Variants in SND1 observed in about 807,000 individuals in gnomAD.
The protein encoded by SND1 is staphylococcal nuclease domain-containing protein 1.
A neutral mutation model predicts 121.7 loss-of-function variants in SND1; 38 were observed. The ratio of observed to expected loss-of-function variants is 0.31; its 90% CI spans 0.24 to 0.41. The LOEUF is 0.41. Ranked by LOEUF, SND1 falls within the 10% of genes least tolerant of loss-of-function variation. The pLI is 1.00. For synonymous variants in SND1, 401 were observed against 447.4 expected (o/e 0.90, Z 1.31); for missense variants, 868 against 1,184.6 (o/e 0.73, Z 3.92).
At chr7:127,986,886 T>G (rs1287559183) in intron 15 of SND1, among the ~76,000 whole-genome samples, 1 of 152,222 alleles carries the variant, frequency 6.6e-6, no homozygotes, top group Non-Finnish European at 1.5e-5. Context: ...CAGGAATTTT[T>G]GGGATTTTTT....
At chr7:127,783,998 C>T (rs1321813837) in intron 10 of SND1, among the ~76,000 whole-genome samples, 1 of 152,120 alleles carries the variant, frequency 6.6e-6, no homozygotes, top group Non-Finnish European at 1.5e-5. Context: ...AATGGATATT[C>T]CAAGGTATAA....
chr7:127,724,139 A>C (rs1796543273), intron 10 of SND1, among the ~76,000 whole-genome samples: 1 of 152,188 alleles, frequency 6.6e-6, no homozygotes, highest in African/African-American at 2.4e-5. Flanking sequence ...GCAGCAGGGA[A>C]TAAATAGATG....
intron 10 of SND1, among the ~76,000 whole-genome samples, chr7:127,771,373 A>G (rs1797510221): frequency 1.3e-5 from 2 of 152,222 alleles, no homozygotes; most frequent in African/African-American, 2.4e-5. Flanking sequence ...TGAGCTAGTC[A>G]GGTGCCTTAT....
intron 11 of SND1, among the ~76,000 whole-genome samples, chr7:127,816,456 G>T (rs1413702087): frequency 6.6e-6 from 1 of 152,070 alleles, no homozygotes; most frequent in Non-Finnish European, 1.5e-5. Flanking sequence ...TTTTTCTGCA[G>T]CTTTGCCTTC....
intron 15 of SND1, among the ~76,000 whole-genome samples, chr7:127,942,985 A>G (rs764067669): frequency 4.4e-4 from 67 of 152,172 alleles, no homozygotes; most frequent in Non-Finnish European, 9.6e-4. Context: ...ACGTGGATCC[A>G]TTTCATGCTA....
chr7:127,825,903 C>G (rs1344969382), intron 11 of SND1, among the ~76,000 whole-genome samples: 1 of 152,006 alleles, frequency 6.6e-6, no homozygotes, highest in Non-Finnish European at 1.5e-5. Flanking sequence ...TTAAAATGGA[C>G]AATGGAGGCC....
chr7:127,678,167 C>T (rs1795646970), intron 1 of SND1, among the ~76,000 whole-genome samples: 1 of 152,128 alleles, frequency 6.6e-6, no homozygotes, highest in Non-Finnish European at 1.5e-5. Context: ...GTATGTGTGG[C>T]ATAGTGGAAT....
chr7:127,727,377 G>A (rs974129094), intron 10 of SND1, among the ~76,000 whole-genome samples: 3 of 152,284 alleles, frequency 2.0e-5, no homozygotes, highest in East Asian at 1.9e-4. Context: ...AAGGGGCTCC[G>A]GGGTGCTTTG....
At chr7:128,083,271 G>C (rs1212160325) in intron 18 of SND1, among the ~76,000 whole-genome samples, 1 of 152,248 alleles carries the variant, frequency 6.6e-6, no homozygotes, top group Admixed American at 6.5e-5. Flanking sequence ...ACAAAGTCCT[G>C]CTTCTGTTGC....
At chr7:127,804,053 T>C (rs1798185510) in intron 10 of SND1, among the ~76,000 whole-genome samples, 1 of 152,248 alleles carries the variant, frequency 6.6e-6, no homozygotes, top group Non-Finnish European at 1.5e-5. Context: ...GAATCTAAAC[T>C]AGACAGTTCT....
In SND1 at chr7:128,035,254, GCTCT is replaced by G. The variant is rs1394433677; in HGVS notation, c.1780-39245_1780-39242del. 1.4e-4 allele frequency among the ~76,000 whole-genome samples: 21 copies of G among 152,270 alleles called. 1 individual carries two copies. The highest frequency in any genetic ancestry group is 4.1e-4 in the South Asian group (2 of 4,826). On this transcript the variant is annotated intron_variant, in intron 16 of 23. Coordinates refer to ENST00000354725, the MANE Select transcript of SND1 (RefSeq NM_014390.4). ...GAAATGGATTAGAAAGTTTCTTACC[GCTCT>G]CTTAGTCCATGATTCCTGTCCCATC...
chr7:127,942,331 A>C (rs1213221653), intron 15 of SND1, among the ~76,000 whole-genome samples: 1 of 152,198 alleles, frequency 6.6e-6, no homozygotes, highest in Non-Finnish European at 1.5e-5. Flanking sequence ...ACCAAGTTAG[A>C]GGTGGGTCTT....
intron 10 of SND1, among the ~76,000 whole-genome samples, chr7:127,757,846 C>T (rs972723307): frequency 6.6e-6 from 1 of 152,162 alleles, no homozygotes; most frequent in Non-Finnish European, 1.5e-5. Context: ...CTCTTAATGG[C>T]TGACAGTGTT....
chr7:127,835,053 A>T (rs1046409039), intron 11 of SND1, among the ~76,000 whole-genome samples: 2 of 152,168 alleles, frequency 1.3e-5, no homozygotes, highest in Non-Finnish European at 2.9e-5. Flanking sequence ...ACTTTTATTG[A>T]TTAGATTTCC....
At chr7:127,845,540 A>G (rs1799043132) in intron 12 of SND1, among the ~76,000 whole-genome samples, 1 of 152,240 alleles carries the variant, frequency 6.6e-6, no homozygotes, top group African/African-American at 2.4e-5. Flanking sequence ...TATTTTGGTC[A>G]TTATTCTATC....
chr7:127,912,972 A>G (rs3808084), intron 14 of SND1, among the ~76,000 whole-genome samples: 133,093 of 152,250 alleles, frequency 0.87, 58,462 homozygotes, highest in African/African-American at 0.94. Flanking sequence ...TTAACTTTTT[A>G]TTCAGAACAG....
chr7:127,954,153 T>C (rs534833645), intron 15 of SND1, among the ~76,000 whole-genome samples: 1 of 152,296 alleles, frequency 6.6e-6, no homozygotes, highest in East Asian at 1.9e-4. Flanking sequence ...GAACCTGCTT[T>C]CCTTCCTTCC....
intron 16 of SND1, among the ~76,000 whole-genome samples, chr7:128,038,636 T>C (rs1459413642): frequency 6.6e-6 from 1 of 152,136 alleles, no homozygotes; most frequent in Non-Finnish European, 1.5e-5. Context: ...CAATTCTTCA[T>C]TTAAGGTATG....
intron 16 of SND1, among the ~76,000 whole-genome samples, chr7:128,062,716 C>T (rs1011250135): frequency 7.2e-5 from 11 of 152,162 alleles, no homozygotes; most frequent in African/African-American, 2.4e-4. Flanking sequence ...AGGTGCTCCA[C>T]GTCCCCTTCC....
Sources: allele counts gnomAD v4.1 joint callset (sites outside exome capture counted in the v4.1 genomes callset), GRCh38; gene constraint gnomAD v4.1.1; transcripts MANE v1.5; gene names NCBI Gene and HGNC (gene_info 2026-07-23, HGNC 2026-07-21).